MCF2L2: variants seen among roughly 807,000 people sequenced by gnomAD.
MCF2L2 encodes the protein MCF.2 cell line derived transforming sequence-like 2.
Under a neutral mutation model 150.2 loss-of-function variants are expected in MCF2L2, and 102 were observed. That is an observed-to-expected ratio of 0.68 (90% confidence interval 0.58 to 0.80). The LOEUF is 0.80. Ranked by LOEUF, MCF2L2 falls within the 30% of genes least tolerant of loss-of-function variation. MCF2L2 has a pLI of 0.00. For missense variants in MCF2L2, 1,256 were observed against 1,372.8 expected (o/e 0.91, Z 1.34); for synonymous variants, 465 against 491.3 (o/e 0.95, Z 0.71).
At chr3:183,252,890 A>C (rs1724628487) in intron 15 of MCF2L2, among the ~76,000 whole-genome samples, 2 of 152,202 alleles carry the variant, frequency 1.3e-5, no homozygotes, top group African/African-American at 2.4e-5. Context: ...AATCAAGCGC[A>C]TCCAGGATTC....
chr3:183,257,172 C>A (rs1444581791), intron 15 of MCF2L2, among the ~76,000 whole-genome samples: 1 of 152,172 alleles, frequency 6.6e-6, no homozygotes, highest in Non-Finnish European at 1.5e-5. Context: ...CTGACATTGT[C>A]AACAAGTTAT....
At chr3:183,240,490 T>C (rs1248197326) in intron 15 of MCF2L2, among the ~76,000 whole-genome samples, 2 of 152,214 alleles carry the variant, frequency 1.3e-5, no homozygotes, top group Non-Finnish European at 2.9e-5. Flanking sequence ...AGTGCTGGGA[T>C]TACAGGTGTG....
At chr3:183,199,700 G>GC (rs1000444522) in intron 25 of MCF2L2, among the ~76,000 whole-genome samples, 4 of 149,762 alleles carry the variant, frequency 2.7e-5, no homozygotes, top group Admixed American at 6.7e-5. Flanking sequence ...GTATACATGT[G>GC]CCATGTTGGT....
At position 183,428,227 on chromosome 3, in the gene MCF2L2, C is replaced by A. The variant is rs1040641524; in HGVS notation, c.-250G>T. 4.3e-6 allele frequency: 2 copies of A among 468,708 alleles called. No homozygotes were observed. The highest frequency in any genetic ancestry group is 4.1e-5 in the East Asian group (1 of 24,604). 29.0% of individuals were successfully genotyped at this position (468,708 alleles called of 1,614,324 possible). A position where few individuals can be genotyped will look rare whatever the true frequency, so the allele number is the denominator to read the frequency against. ...GCAGCTGGACCGAGAGAGGAGCGGC[C>A]GTTCTGCAAAAGGAAGCAAGTCGCC... On this transcript the variant is annotated 5_prime_UTR_variant, in exon 1 of 30. Transcript: ENST00000328913. This position sits in a 1 kb window ranked among gnomAD's most constrained non-coding sequence, Gnocchi z 5.1.
rs529453151 is a variant in MCF2L2, at chr3:183,186,465, CT to C, written c.3017-6307del. Among the ~76,000 whole-genome samples the C allele has an allele frequency of 6.1e-4, 93 of 152,182 alleles. 1 individual carries two copies. In the East Asian group the frequency reaches 0.014, roughly 23 times the overall value. Reference sequence around the variant, plus strand: ...GTAGGTCCAGTGCAGTGGCTCATGCCTGTAAATCTCAGCACTTTGGGAGGCC... The same window carrying C: ...GTAGGTCCAGTGCAGTGGCTCATGCCGTAAATCTCAGCACTTTGGGAGGCC... On this transcript the variant is annotated intron_variant, in intron 27 of 29. Coordinates refer to ENST00000328913, the MANE Select transcript of MCF2L2 (RefSeq NM_015078.4).
At chr3:183,255,828 A>C (rs1008975590) in intron 15 of MCF2L2, among the ~76,000 whole-genome samples, 4 of 152,060 alleles carry the variant, frequency 2.6e-5, no homozygotes, top group African/African-American at 9.7e-5. Context: ...AAAAAGAAAA[A>C]GAAAACTTTC....
intron 4 of MCF2L2, 25 bp from the exon 5 acceptor site, chr3:183,338,944 G>A (rs765435630): frequency 6.3e-7 from 1 of 1,585,802 alleles, no homozygotes; most frequent in East Asian, 2.3e-5. Flanking sequence ...AAAAGTGTCA[G>A]GAGGAGAGAG....
intron 5 of MCF2L2, among the ~76,000 whole-genome samples, chr3:183,323,963 G>A (rs575295116): frequency 1.3e-4 from 20 of 152,244 alleles, no homozygotes; most frequent in African/African-American, 4.8e-4. Context: ...CTTGCTTTAC[G>A]TGAATTTTCA....
At chr3:183,330,688 AT>A (rs891269233) in intron 5 of MCF2L2, among the ~76,000 whole-genome samples, 3 of 151,874 alleles carry the variant, frequency 2.0e-5, no homozygotes, top group Admixed American at 2.0e-4. Flanking sequence ...GTTTCCCCAC[AT>A]TTTTTTTCTT....
At position 183,179,614 on chromosome 3, in the gene MCF2L2, T is replaced by A; in HGVS notation, c.3184A>T (p.Ser1062Cys). ...KSAFLERGESSQGEKEERDEE... is the reference protein window; with the variant it reads ...KSAFLERGESCQGEKEERDEE... ...TCGCGTTCTTCTTTTTCTCCCTGGCTGCTTTCTCCCCTCTCCAGGAAAGCA... is the reference window on the plus strand; with the variant it reads ...TCGCGTTCTTCTTTTTCTCCCTGGCAGCTTTCTCCCCTCTCCAGGAAAGCA... Residue 1062 changes from serine (S) to cysteine (C), a missense_variant, in exon 29 of 30, where the codon AGC becomes TGC. By Grantham distance (112) the Ser-to-Cys change is moderately radical (BLOSUM62 -1). Coordinates refer to ENST00000328913, the MANE Select transcript of MCF2L2 (RefSeq NM_015078.4). The surrounding 1 kb of genome is among the most constrained non-coding windows in gnomAD (Gnocchi z 4.2). 6.2e-7 allele frequency: 1 copy of A among 1,614,192 alleles called. No individual in the cohort carries two copies. Among genetic ancestry groups the A allele is most frequent in the Non-Finnish European group, 8.5e-7 (1 of 1,180,000 alleles).
Position 183,228,285 on chromosome 3 carries a change from G to C in MCF2L2, c.2115+12C>G, listed in dbSNP as rs1244426632. 1.2e-6 allele frequency: 2 copies of C among 1,605,498 alleles called. No homozygotes were observed. The highest frequency in any genetic ancestry group is 4.5e-5 in the East Asian group (2 of 44,810). Reference sequence around the variant, plus strand: ...ACTTTAACATGATTATTTACTGGGAGTACAGACTTACTCTCTTGAGAAAGC... The same window carrying C: ...ACTTTAACATGATTATTTACTGGGACTACAGACTTACTCTCTTGAGAAAGC... On this transcript the variant is annotated intron_variant, in intron 18 of 29. Coordinates refer to ENST00000328913, the MANE Select transcript of MCF2L2 (RefSeq NM_015078.4).
At chr3:183,251,829 T>C (rs1234641964) in intron 15 of MCF2L2, among the ~76,000 whole-genome samples, 2 of 151,882 alleles carry the variant, frequency 1.3e-5, no homozygotes, top group African/African-American at 2.4e-5. Context: ...TCCTCTCGCA[T>C]GTGTGATCTG....
chr3:183,260,024 C>T lies in MCF2L2; in HGVS notation c.1862+16848G>A, dbSNP rs9813873. On this transcript the variant is annotated intron_variant, in intron 15 of 29. Transcript: ENST00000328913. ...CCCTGCCCACCTCCTCCCCTGCCCTCCCCTCCCGATGAGAACTGCAGGAAC... is the reference window on the plus strand; with the variant it reads ...CCCTGCCCACCTCCTCCCCTGCCCTTCCCTCCCGATGAGAACTGCAGGAAC... 9.9e-3 allele frequency among the ~76,000 whole-genome samples: 1,507 copies of T among 152,138 alleles called. 26 individuals are homozygous for T. Among genetic ancestry groups the T allele is most frequent in the African/African-American group, 0.033 (1,382 of 41,490 alleles).
At chr3:183,398,767 T>C (rs536727877) in intron 1 of MCF2L2, among the ~76,000 whole-genome samples, 77 of 152,276 alleles carry the variant, frequency 5.1e-4, no homozygotes, top group African/African-American at 1.7e-3. Context: ...GAATATAACG[T>C]GGCAGTAATG....
In MCF2L2 at chr3:183,267,669, G is replaced by A. The variant is rs1726291902; in HGVS notation, c.1862+9203C>T. Among the ~76,000 whole-genome samples, 1 of 152,258 alleles carries A rather than the reference G, an allele frequency of 6.6e-6. No homozygotes were observed. The highest frequency in any genetic ancestry group is 1.5e-5 in the Non-Finnish European group (1 of 68,048). Reference sequence around the variant, plus strand: ...AAACTAATGTACCACCCCCGAGGAAGAGAGCCTACCTTTCCATCCAAGGAA... The same window carrying A: ...AAACTAATGTACCACCCCCGAGGAAAAGAGCCTACCTTTCCATCCAAGGAA... On this transcript the variant is annotated intron_variant, in intron 15 of 29. Transcript: ENST00000328913. The surrounding 1 kb of genome is among the most constrained non-coding windows in gnomAD (Gnocchi z 5.5).
At position 183,215,521 on chromosome 3, in the gene MCF2L2, A is replaced by G. The variant is rs796913620; in HGVS notation, c.2496+448T>C. 1.2e-4 allele frequency among the ~76,000 whole-genome samples: 18 copies of G among 152,336 alleles called. 1 individual carries two copies. Among genetic ancestry groups the G allele is most frequent in the African/African-American group, 4.3e-4 (18 of 41,558 alleles). On this transcript the variant is annotated intron_variant, in intron 22 of 29. Coordinates refer to ENST00000328913, the MANE Select transcript of MCF2L2 (RefSeq NM_015078.4). The stretch of plus-strand genomic sequence containing the variant: ...ATTTGGATTAATGCATGTACACTAT[A>G]TACTTTTGGGGCCTCTTCTGGGATC...
In MCF2L2 at chr3:183,328,724, G is replaced by A. The variant is rs1034719240; in HGVS notation, c.487-5373C>T. On this transcript the variant is annotated intron_variant, in intron 5 of 29. Transcript: ENST00000328913. ...AAACATTTGCTCTGCAAAAGACACTGTTAAGAGAATGAAAATCCAACCTAC... is the reference window on the plus strand; with the variant it reads ...AAACATTTGCTCTGCAAAAGACACTATTAAGAGAATGAAAATCCAACCTAC... 3.3e-5 allele frequency among the ~76,000 whole-genome samples: 5 copies of A among 152,168 alleles called. 1 individual carries two copies. The highest frequency in any genetic ancestry group is 3.3e-4 in the Admixed American group (5 of 15,272).
At position 183,297,049 on chromosome 3, in the gene MCF2L2, A is replaced by C. The variant is rs775930835; in HGVS notation, c.1424T>G (p.Val475Gly). The C allele has an allele frequency of 1.9e-6, 3 of 1,614,144 alleles. No individual in the cohort carries two copies. The Admixed American group carries it at 5.0e-5, about 27-fold the overall frequency. The change falls in exon 12 of 30, where the codon GTC (valine) becomes GGC (glycine). Residue 475 changes from valine (V) to glycine (G), a missense_variant. Coordinates refer to ENST00000328913, the MANE Select transcript of MCF2L2 (RefSeq NM_015078.4). Reference protein sequence around the residue: ...LNDIATFLGTVKEYPLLSPKE... With the variant: ...LNDIATFLGTGKEYPLLSPKE... Reference sequence around the variant, plus strand: ...GGGGCTGAGCAACGGGTACTCCTTGACTGTGCCCAGGAATGTCGCAATGTC... The same window carrying C: ...GGGGCTGAGCAACGGGTACTCCTTGCCTGTGCCCAGGAATGTCGCAATGTC...
At chr3:183,396,974 G>GCA (rs1714499811) in intron 1 of MCF2L2, among the ~76,000 whole-genome samples, 1 of 152,182 alleles carries the variant, frequency 6.6e-6, no homozygotes, top group Non-Finnish European at 1.5e-5. Flanking sequence ...GGCCCTACCA[G>GCA]CACCTTGATG....
Sources: gnomAD v4.1 joint callset for allele counts (sites outside exome capture counted in the v4.1 genomes callset) on GRCh38, gnomAD v4.1.1 for gene constraint, Gnocchi (gnomAD v3.1) non-coding constraint, MANE v1.5 for transcripts, NCBI Gene and HGNC (gene_info 2026-07-23, HGNC 2026-07-21) for gene names.